CLEC16A: variants seen among roughly 807,000 people sequenced by gnomAD.
The protein encoded by CLEC16A is C-type lectin domain containing 16A.
In CLEC16A, 51 loss-of-function variants were observed where a neutral mutation model predicts 109.5. The observed-to-expected ratio is 0.47, with a 90% CI of 0.37 to 0.59. CLEC16A has a LOEUF of 0.59. Among genes scored for constraint, CLEC16A ranks in the 20% least tolerant of loss-of-function variants. CLEC16A has a pLI of 0.00. For missense variants in CLEC16A, 1,339 were observed against 1,394.0 expected (o/e 0.96, Z 0.63); for synonymous variants, 673 against 564.2 (o/e 1.19, Z -2.73).
intron 11 of CLEC16A, among the ~76,000 whole-genome samples, chr16:11,017,378 G>C (rs1484757603): frequency 6.6e-6 from 1 of 152,170 alleles, no homozygotes; most frequent in African/African-American, 2.4e-5. Context: ...GAACAATAGA[G>C]AATGTAAGAG....
chr16:11,130,511 A>C (rs2053132338), intron 22 of CLEC16A, among the ~76,000 whole-genome samples: 1 of 152,228 alleles, frequency 6.6e-6, no homozygotes, highest in Non-Finnish European at 1.5e-5. Flanking sequence ...GTTGCATATC[A>C]ACTGAATTTC....
chr16:11,153,938 C>T lies in CLEC16A; in HGVS notation c.2642-12450C>T, dbSNP rs1235939296. On this transcript the variant is annotated intron_variant, in intron 22 of 23. Coordinates refer to ENST00000409790, the MANE Select transcript of CLEC16A (RefSeq NM_015226.3). ...GCCCTTCTGGTTCCTAATAAGTCCC[C>T]TTTTTGTGGGTCATCTGTCAAGAAG... is the stretch of plus-strand genomic sequence containing the variant. 3.9e-5 allele frequency among the ~76,000 whole-genome samples: 6 copies of T among 152,164 alleles called. 1 individual carries two copies. The East Asian group carries it at 1.2e-3, about 29-fold the overall frequency.
intron 19 of CLEC16A, among the ~76,000 whole-genome samples, chr16:11,080,207 A>C (rs925838279): frequency 3.9e-5 from 6 of 152,250 alleles, no homozygotes; most frequent in African/African-American, 1.4e-4. Flanking sequence ...CACCAGAAAC[A>C]CAAGGACAGG....
rs1198235835 is a variant in CLEC16A, at chr16:10,979,594, A to G, written c.957+212A>G. Among the ~76,000 whole-genome samples the G allele has an allele frequency of 2.6e-5, 4 of 152,222 alleles. No individual in the cohort carries two copies. The East Asian group carries it at 7.7e-4, about 29-fold the overall frequency. ...TTCATGGTAGGAGATGGAAATCCAA[A>G]GAGAAATGAAAAATAAACCAAACCT... On this transcript the variant is annotated intron_variant, in intron 9 of 23. Coordinates refer to ENST00000409790, the MANE Select transcript of CLEC16A (RefSeq NM_015226.3).
chr16:11,027,611 G>A (rs529445650), intron 13 of CLEC16A: 19 of 1,558,744 alleles, frequency 1.2e-5, no homozygotes, highest in Admixed American at 1.7e-5. Flanking sequence ...CATTCCCAGG[G>A]AAGCATTTCC....
At chr16:11,080,000 G>A (rs1033097204) in intron 19 of CLEC16A, among the ~76,000 whole-genome samples, 3 of 152,148 alleles carry the variant, frequency 2.0e-5, no homozygotes, top group Admixed American at 1.3e-4. Flanking sequence ...TGGCTTCAGC[G>A]GCTTCCCTTC....
intron 11 of CLEC16A, among the ~76,000 whole-genome samples, chr16:11,005,665 T>G (rs2044958020): frequency 6.6e-6 from 1 of 152,256 alleles, no homozygotes; most frequent in African/African-American, 2.4e-5. Context: ...CTTGATTATT[T>G]GTAAATGTGA....
At chr16:11,082,027 G>A (rs1420819560) in intron 19 of CLEC16A, among the ~76,000 whole-genome samples, 10 of 151,976 alleles carry the variant, frequency 6.6e-5, no homozygotes, top group African/African-American at 1.4e-4. Flanking sequence ...GTGAGAATCC[G>A]TCTAAAAAAA....
chr16:11,178,816 T>C lies in CLEC16A; in HGVS notation c.*126T>C, dbSNP rs1597651152. ...GCCCCCAGCAGCCATCTCAACCACC[T>C]ATCCCTGCGCTCCCTTGAATGGGAA... On this transcript the variant is annotated 3_prime_UTR_variant, in exon 24 of 24. Transcript: ENST00000409790. This position sits in a 1 kb window ranked among gnomAD's most constrained non-coding sequence, Gnocchi z 6.5. The C allele has an allele frequency of 5.9e-6, 4 of 676,820 alleles. No homozygotes were observed. Among genetic ancestry groups the C allele is most frequent in the Middle Eastern group, 4.1e-4 (1 of 2,420 alleles). The allele number at this position is 676,820 out of a possible 1,614,324, so 41.9% of individuals were successfully genotyped here. A position where few individuals can be genotyped will look rare whatever the true frequency, so the allele number is the denominator to read the frequency against.
rs2052343567 is a variant in CLEC16A at position 11,120,758 on chromosome 16, C to T, written c.2260C>T (p.Leu754=). The change falls in exon 20 of 24, where the codon CTA becomes TTA. Residue 754 remains leucine (L), a synonymous_variant. Coordinates refer to ENST00000409790, the MANE Select transcript of CLEC16A (RefSeq NM_015226.3). ...CTGGGGAGTGGTCAAGTTTGCAGGC[C>T]TATTGCAGGTAAGATGGCCAGGAGC... The part of the protein sequence containing the change: ...LGWGVVKFAG[L]LQDMQVTGVE... The T allele has an allele frequency of 6.5e-7, 1 of 1,545,052 alleles. No individual in the cohort carries two copies. The highest frequency in any genetic ancestry group is 2.0e-5 in the Admixed American group (1 of 50,390).
intron 2 of CLEC16A, among the ~76,000 whole-genome samples, chr16:10,958,294 C>T (rs2042086881): frequency 6.6e-6 from 1 of 152,324 alleles, no homozygotes; most frequent in Middle Eastern, 3.4e-3. Context: ...GATGACCAGG[C>T]ACAGGGCTGA....
At chr16:11,032,091 C>T (rs1017927142) in intron 13 of CLEC16A, among the ~76,000 whole-genome samples, 1 of 152,216 alleles carries the variant, frequency 6.6e-6, no homozygotes, top group African/African-American at 2.4e-5. Context: ...TGGTGGTGAG[C>T]ATGGACTCTG....
chr16:10,979,618 C>G (rs1421721070), intron 9 of CLEC16A, among the ~76,000 whole-genome samples: 2 of 152,172 alleles, frequency 1.3e-5, no homozygotes, highest in Non-Finnish European at 2.9e-5. Context: ...TAAACCAAAC[C>G]TAACTTGTAT....
chr16:11,003,355 GC>G, intron 11 of CLEC16A, 50 bp downstream of exon 11: 2 of 1,492,790 alleles, frequency 1.3e-6, no homozygotes, highest in South Asian at 1.2e-5. Flanking sequence ...CAGCCAGCCC[GC>G]CAGCGAGGCT....
At chr16:11,143,405 A>G (rs1258508162) in intron 22 of CLEC16A, among the ~76,000 whole-genome samples, 1 of 152,158 alleles carries the variant, frequency 6.6e-6, no homozygotes, top group African/African-American at 2.4e-5. Context: ...CATAGGGTTC[A>G]TCAAGGACTT....
intron 22 of CLEC16A, among the ~76,000 whole-genome samples, chr16:11,131,282 T>C (rs8061859): frequency 0.044 from 6,690 of 152,280 alleles, 486 homozygotes; most frequent in African/African-American, 0.15. Flanking sequence ...CTTCTAGAGA[T>C]AGAATCTGTC....
chr16:10,975,874 A>T (rs111339384), intron 7 of CLEC16A, among the ~76,000 whole-genome samples: 12,902 of 151,624 alleles, frequency 0.085, 1,850 homozygotes, highest in African/African-American at 0.29. Flanking sequence ...CTGGTCTCGA[A>T]CTCCTGACCT....
chr16:11,160,828 C>A (rs1466365367), intron 22 of CLEC16A, among the ~76,000 whole-genome samples: 1 of 152,220 alleles, frequency 6.6e-6, no homozygotes, highest in Non-Finnish European at 1.5e-5. Context: ...ATGTGTGATT[C>A]ATCCTCATAG....
rs200241102 is a variant in CLEC16A at position 10,977,369 on chromosome 16, C to G, written c.873C>G (p.Leu291=). The change falls in exon 8 of 24, where the codon CTC becomes CTG. Residue 291 remains leucine, a synonymous_variant. Coordinates refer to ENST00000409790, the MANE Select transcript of CLEC16A (RefSeq NM_015226.3). ...TGCTCAACAGGCTCTTCCTGCCCCT[C>G]TACGTGTACTCACTGGAGAACCAGG... ...DHLLNRLFLP[L]YVYSLENQDK... is the part of the protein sequence containing the mutation. The G allele has an allele frequency of 1.9e-6, 3 of 1,613,888 alleles. No homozygotes were observed. Among genetic ancestry groups the G allele is most frequent in the South Asian group, 1.1e-5 (1 of 91,050 alleles).
Sources: allele counts gnomAD v4.1 joint callset (sites outside exome capture counted in the v4.1 genomes callset), GRCh38; gene constraint gnomAD v4.1.1; non-coding constraint Gnocchi (gnomAD v3.1); transcripts MANE v1.5; gene names NCBI Gene and HGNC (gene_info 2026-07-23, HGNC 2026-07-21).